PCBP3: variants seen among roughly 807,000 people sequenced by gnomAD.
The protein encoded by PCBP3 is poly(rC)-binding protein 3.
PCBP3 carries 25 observed loss-of-function variants against 52.7 expected under a neutral mutation model. That is an observed-to-expected ratio of 0.47 (90% confidence interval 0.35 to 0.66). The LOEUF (loss-of-function observed/expected upper bound fraction) is 0.66. Ranked by LOEUF, PCBP3 falls within the 30% of genes least tolerant of loss-of-function variation. PCBP3 has a pLI of 0.01. For missense variants in PCBP3, 391 were observed against 490.3 expected, an observed-to-expected ratio of 0.80 and a Z score of 1.91; for synonymous variants, 162 against 183.0, an observed-to-expected ratio of 0.89 and a Z score of 0.93.
chr21:45,727,650 A>G (rs1035548321), intron 2 of PCBP3, among the ~76,000 whole-genome samples: 4 of 152,000 alleles, frequency 2.6e-5, no homozygotes, highest in Non-Finnish European at 5.9e-5. Context: ...GTCTGTCCCT[A>G]GTTGTCTGGT....
chr21:45,899,504 C>A, intron 6 of PCBP3, 95 bp from the exon 7 acceptor site: 1 of 897,212 alleles, frequency 1.1e-6, no homozygotes, highest in East Asian at 2.5e-5. Flanking sequence ...GCACTCATAC[C>A]GGGAAGGTAG....
intron 4 of PCBP3, among the ~76,000 whole-genome samples, chr21:45,770,526 G>A (rs556386087): frequency 3.7e-4 from 56 of 152,268 alleles, no homozygotes; most frequent in African/African-American, 1.3e-3. Flanking sequence ...TATGGCTTCT[G>A]TGTTTCTTTC....
At chr21:45,940,790 A>ACACTGTACCACCAGCCCCCCAGCCAGGCG (rs1188921004) in intron 17 of PCBP3, among the ~76,000 whole-genome samples, 2 of 149,642 alleles carry the variant, frequency 1.3e-5, no homozygotes, top group Non-Finnish European at 3.0e-5. Context: ...CCCGCCAGGC[A>ACACTGTACCACCAGCCCCCCAGCCAGGCG]CACTGTACCA....
chr21:45,785,547 C>G (rs1391528883), intron 4 of PCBP3, among the ~76,000 whole-genome samples: 1 of 149,344 alleles, frequency 6.7e-6, no homozygotes, highest in Non-Finnish European at 1.5e-5. Flanking sequence ...CCGCCCCATC[C>G]GGGAGGTGAG....
intron 2 of PCBP3, among the ~76,000 whole-genome samples, chr21:45,685,821 C>A (rs1432328726): frequency 6.6e-6 from 1 of 151,860 alleles, no homozygotes; most frequent in African/African-American, 2.4e-5. Flanking sequence ...CAGTCTGTTG[C>A]CAAACACTAA....
chr21:45,816,562 A>G (rs2092969825), intron 4 of PCBP3, among the ~76,000 whole-genome samples: 1 of 132,708 alleles, frequency 7.5e-6, no homozygotes, highest in Non-Finnish European at 1.6e-5. Context: ...ACACACACAC[A>G]CTTTAGCCTA....
At chr21:45,766,878 C>A (rs796139561) in intron 4 of PCBP3, among the ~76,000 whole-genome samples, 4 of 151,974 alleles carry the variant, frequency 2.6e-5, no homozygotes, top group Non-Finnish European at 5.9e-5. Context: ...AAAGAAAAAA[C>A]CAAATGAGAA....
chr21:45,938,397 C>T (rs996603492), intron 16 of PCBP3, among the ~76,000 whole-genome samples: 6 of 152,188 alleles, frequency 3.9e-5, no homozygotes, highest in African/African-American at 7.2e-5. Flanking sequence ...GTCATGCTGC[C>T]GAGTCAGCTA....
intron 4 of PCBP3, among the ~76,000 whole-genome samples, chr21:45,815,096 A>G (rs1202367141): frequency 1.6e-4 from 1 of 6,302 alleles, no homozygotes; most frequent in African/African-American, 9.4e-4. Context: ...GTGAGTGATG[A>G]GTGAGTGGTG....
At chr21:45,933,830 A>C (rs1200423993) in intron 15 of PCBP3, among the ~76,000 whole-genome samples, 1 of 152,196 alleles carries the variant, frequency 6.6e-6, no homozygotes, top group Non-Finnish European at 1.5e-5. Flanking sequence ...CAGTACCATA[A>C]GACAAGATGA....
At chr21:45,713,866 C>T (rs573469221) in intron 2 of PCBP3, among the ~76,000 whole-genome samples, 27 of 152,212 alleles carry the variant, frequency 1.8e-4, no homozygotes, top group Non-Finnish European at 3.7e-4. Context: ...TTTCTGTTTT[C>T]TTCATTTGCA....
intron 2 of PCBP3, among the ~76,000 whole-genome samples, chr21:45,721,002 A>G (rs1021693080): frequency 6.6e-6 from 1 of 152,208 alleles, no homozygotes; most frequent in Non-Finnish European, 1.5e-5. Flanking sequence ...GCTGCCCCAG[A>G]TGTTTGAAGG....
At chr21:45,845,688 C>T (rs1169522050) in intron 4 of PCBP3, among the ~76,000 whole-genome samples, 1 of 151,942 alleles carries the variant, frequency 6.6e-6, no homozygotes, top group African/African-American at 2.4e-5. Flanking sequence ...TGTGTGTGAG[C>T]TGCTTAAGCA....
rs142864964 is a variant in PCBP3 at position 45,667,923 on chromosome 21, T to C, written c.-278-951T>C. ...TGTAAAGTCTGTATTCTTTGTCATG[T>C]ATCTTCACTGACTCTGTACTTGAAT... is the stretch of plus-strand genomic sequence containing the variant. On this transcript the variant is annotated intron_variant, in intron 1 of 17. Transcript: ENST00000681687. 5.3e-5 allele frequency among the ~76,000 whole-genome samples: 8 copies of C among 152,370 alleles called. No homozygotes were observed. In the East Asian group the frequency reaches 7.7e-4, roughly 15 times the overall value.
chr21:45,698,578 C>T (rs2082926528), intron 2 of PCBP3, among the ~76,000 whole-genome samples: 2 of 152,246 alleles, frequency 1.3e-5, no homozygotes, highest in Non-Finnish European at 2.9e-5. Flanking sequence ...TACGTGAGGT[C>T]TCTGGTCTGG....
At chr21:45,815,301 G>A (rs1298042049) in intron 4 of PCBP3, among the ~76,000 whole-genome samples, 2 of 57,730 alleles carry the variant, frequency 3.5e-5, no homozygotes, top group Admixed American at 1.4e-4. Flanking sequence ...GTGGTGAGTG[G>A]TGAGTGAGTG....
Position 45,795,331 on chromosome 21 carries a change from C to T in PCBP3, c.-126+39879C>T, listed in dbSNP as rs2091869180. Among the ~76,000 whole-genome samples the T allele has an allele frequency of 1.3e-5, 2 of 150,506 alleles. 1 individual carries two copies. Among genetic ancestry groups the T allele is most frequent in the African/African-American group, 4.9e-5 (2 of 40,872 alleles). ...CTTCTTTTTCTTTTTTTTTTTTTCC[C>T]CTTTCCTTTCTTTTCTTTACCTTCT... On this transcript the variant is annotated intron_variant, in intron 4 of 17. Coordinates refer to ENST00000681687, the MANE Select transcript of PCBP3 (RefSeq NM_001384156.1).
chr21:45,877,128 C>G (rs2095280579), intron 5 of PCBP3, among the ~76,000 whole-genome samples: 2 of 152,260 alleles, frequency 1.3e-5, no homozygotes, highest in Admixed American at 6.5e-5. Flanking sequence ...ACGTGGGTCT[C>G]TTCCTTTCGG....
At chr21:45,797,778 A>AG (rs1603431004) in intron 4 of PCBP3, among the ~76,000 whole-genome samples, 1 of 316 alleles carries the variant, frequency 3.2e-3, no homozygotes, top group Non-Finnish European at 7.4e-3. Context: ...ATGTGGATGA[A>AG]TGCATGGATC....
Sources: gnomAD v4.1 joint callset for allele counts (sites outside exome capture counted in the v4.1 genomes callset) on GRCh38, gnomAD v4.1.1 for gene constraint, MANE v1.5 for transcripts, NCBI Gene and HGNC (gene_info 2026-07-23, HGNC 2026-07-21) for gene names.